CHRM3: variants seen among roughly 807,000 people sequenced by gnomAD.
CHRM3 encodes cholinergic receptor muscarinic 3, also known as muscarinic acetylcholine receptor M3.
In CHRM3, 11 loss-of-function variants were observed where a neutral mutation model predicts 41.8. The ratio of observed to expected loss-of-function variants is 0.26; its 90% CI spans 0.17 to 0.44. The LOEUF (loss-of-function observed/expected upper bound fraction) is 0.44. CHRM3 is among the 20% of genes least tolerant of loss of function. CHRM3 has a pLI of 1.00. For synonymous variants in CHRM3, 297 were observed against 301.4 expected, an observed-to-expected ratio of 0.99 and a Z score of 0.15; for missense variants, 571 against 745.4, an observed-to-expected ratio of 0.77 and a Z score of 2.72.
chr1:239,614,641 G>T (rs147858742), intron 3 of CHRM3, among the ~76,000 whole-genome samples: 210 of 152,210 alleles, frequency 1.4e-3, no homozygotes, highest in African/African-American at 4.9e-3. Context: ...GGTTTATGCT[G>T]GGCCCAGGAA....
chr1:239,695,427 T>G (rs1660095615), intron 5 of CHRM3, among the ~76,000 whole-genome samples: 1 of 152,330 alleles, frequency 6.6e-6, no homozygotes, highest in Non-Finnish European at 1.5e-5. Flanking sequence ...TTAGGAAAAT[T>G]TAGCTTACTG....
intron 5 of CHRM3, among the ~76,000 whole-genome samples, chr1:239,808,279 G>A (rs1197167329): frequency 6.6e-6 from 1 of 152,122 alleles, no homozygotes; most frequent in Non-Finnish European, 1.5e-5. Flanking sequence ...ATCCTCGTAT[G>A]TGACCTTCAG....
chr1:239,560,357 T>A (rs1660740333), intron 3 of CHRM3, among the ~76,000 whole-genome samples: 1 of 152,116 alleles, frequency 6.6e-6, no homozygotes, highest in South Asian at 2.1e-4. Context: ...TGTTGTAATC[T>A]TAAAAATACA....
rs754178661 is a variant in CHRM3 at position 239,912,514 on chromosome 1, G to A, written c.*3290G>A. On this transcript the variant is annotated 3_prime_UTR_variant, in exon 7 of 7. Coordinates refer to ENST00000676153, the MANE Select transcript of CHRM3 (RefSeq NM_001375978.1). ...GAAGGCATATCAGTTTTCTCTGTCA[G>A]GCTTCCTACGTTGCCCTCGTGCAGG... The A allele has an allele frequency of 6.0e-5, 10 of 167,130 alleles. No individual in the cohort carries two copies. Among genetic ancestry groups the A allele is most frequent in the Non-Finnish European group, 1.0e-4 (7 of 68,156 alleles). The allele number at this position is 167,130 out of a possible 1,614,324, so 10.4% of individuals were successfully genotyped here. A position where few individuals can be genotyped will look rare whatever the true frequency, so the allele number is the denominator to read the frequency against.
At chr1:239,525,490 A>G (rs928877344) in intron 2 of CHRM3, among the ~76,000 whole-genome samples, 6 of 152,260 alleles carry the variant, frequency 3.9e-5, no homozygotes, top group South Asian at 2.1e-4. Context: ...TAAATCATAC[A>G]TAGTATGAAC....
intron 5 of CHRM3, among the ~76,000 whole-genome samples, chr1:239,804,800 A>T (rs1446107565): frequency 6.6e-6 from 1 of 151,976 alleles, no homozygotes; most frequent in Non-Finnish European, 1.5e-5. Flanking sequence ...TCTCGCATTG[A>T]CTGTTTTCTG....
chr1:239,438,582 T>C (rs1281129914), intron 1 of CHRM3, among the ~76,000 whole-genome samples: 3 of 152,300 alleles, frequency 2.0e-5, no homozygotes, highest in Admixed American at 6.5e-5. Context: ...ATATGGAGCA[T>C]AGTGAATACC....
At chr1:239,429,840 T>A (rs1439114617) in intron 1 of CHRM3, among the ~76,000 whole-genome samples, 1 of 151,936 alleles carries the variant, frequency 6.6e-6, no homozygotes, top group Non-Finnish European at 1.5e-5. Flanking sequence ...TTAAGTTTTC[T>A]TAAACTTCCT....
intron 2 of CHRM3, among the ~76,000 whole-genome samples, chr1:239,541,686 A>C (rs1177260096): frequency 1.3e-5 from 2 of 151,634 alleles, no homozygotes; most frequent in Non-Finnish European, 2.9e-5. Context: ...TAATTTTTCT[A>C]TGTTTTTGTA....
At chr1:239,579,107 C>T (rs1259536617) in intron 3 of CHRM3, among the ~76,000 whole-genome samples, 1 of 152,102 alleles carries the variant, frequency 6.6e-6, no homozygotes, top group Non-Finnish European at 1.5e-5. Context: ...ACTAAATATT[C>T]GTTGAGTGAA....
intron 1 of CHRM3, among the ~76,000 whole-genome samples, chr1:239,415,128 A>T (rs1572217457): frequency 6.6e-6 from 1 of 152,236 alleles, no homozygotes; most frequent in African/African-American, 2.4e-5. Flanking sequence ...AAGCAAAAAA[A>T]GTCTAAGTTT....
intron 2 of CHRM3, among the ~76,000 whole-genome samples, chr1:239,539,256 C>G (rs760086157): frequency 1.7e-3 from 265 of 152,196 alleles, no homozygotes; most frequent in Non-Finnish European, 2.5e-3. Flanking sequence ...ATTTTTTTGG[C>G]CTTTGTTCTC....
intron 3 of CHRM3, among the ~76,000 whole-genome samples, chr1:239,563,938 G>A (rs921973410): frequency 6.6e-6 from 1 of 152,130 alleles, no homozygotes; most frequent in Admixed American, 6.6e-5. Flanking sequence ...ATAAGGACAG[G>A]AAATGGTTCA....
rs139256387 is a variant in CHRM3 at position 239,556,636 on chromosome 1, T to C, written c.-313+10887T>C. Among the ~76,000 whole-genome samples the C allele has an allele frequency of 2.5e-3, 379 of 152,272 alleles. 1 individual carries two copies. Among genetic ancestry groups the C allele is most frequent in the African/African-American group, 8.6e-3 (358 of 41,552 alleles). ...AGTTCAATTCCGATACTTCTAATACTAAGCCTGTTAAAGTACATTAGACAG... is the reference window on the plus strand; with the variant it reads ...AGTTCAATTCCGATACTTCTAATACCAAGCCTGTTAAAGTACATTAGACAG... On this transcript the variant is annotated intron_variant, in intron 3 of 6. Transcript: ENST00000676153.
chr1:239,612,780 AACAGC>A (rs1667212971), intron 3 of CHRM3, among the ~76,000 whole-genome samples: 1 of 152,152 alleles, frequency 6.6e-6, no homozygotes, highest in Non-Finnish European at 1.5e-5. Context: ...GGACTCACCA[AACAGC>A]TGCGTAGAAC....
rs531468014 is a variant in CHRM3 at position 239,868,226 on chromosome 1, C to T, written c.-19-39207C>T. 6.6e-5 allele frequency among the ~76,000 whole-genome samples: 10 copies of T among 152,316 alleles called. No individual in the cohort carries two copies. The East Asian group carries it at 1.5e-3, about 24-fold the overall frequency. Reference sequence around the variant, plus strand: ...AGAGAACAGAAGGGAACTCCTGCGGCGTGATGCCGTGAGTGGCCTCTCGTG... The same window carrying T: ...AGAGAACAGAAGGGAACTCCTGCGGTGTGATGCCGTGAGTGGCCTCTCGTG... On this transcript the variant is annotated intron_variant, in intron 6 of 6. Coordinates refer to ENST00000676153, the MANE Select transcript of CHRM3 (RefSeq NM_001375978.1).
In CHRM3 at chr1:239,695,159, T is replaced by C. The variant is rs181994171; in HGVS notation, c.-147+16871T>C. On this transcript the variant is annotated intron_variant, in intron 5 of 6. Coordinates refer to ENST00000676153, the MANE Select transcript of CHRM3 (RefSeq NM_001375978.1). ...CTGAGTAGCTGGGACTACAGGCGCA[T>C]GCCACCACACCCAGCTAAGTTTTTG... Among the ~76,000 whole-genome samples the C allele has an allele frequency of 4.0e-3, 602 of 152,164 alleles. 3 individuals are homozygous for C. The highest frequency in any genetic ancestry group is 0.014 in the African/African-American group (577 of 41,518).
chr1:239,565,300 G>T (rs1270177628), intron 3 of CHRM3, among the ~76,000 whole-genome samples: 1 of 152,158 alleles, frequency 6.6e-6, no homozygotes, highest in African/African-American at 2.4e-5. Flanking sequence ...CCTACTACTT[G>T]CTGCAACATA....
intron 6 of CHRM3, among the ~76,000 whole-genome samples, chr1:239,871,619 A>T (rs1023460369): frequency 6.6e-6 from 1 of 152,164 alleles, no homozygotes; most frequent in Non-Finnish European, 1.5e-5. Context: ...ACACATGATG[A>T]GTGACCTGTT....
Sources: gnomAD v4.1 joint callset for allele counts (sites outside exome capture counted in the v4.1 genomes callset) on GRCh38, gnomAD v4.1.1 for gene constraint, MANE v1.5 for transcripts, NCBI Gene and HGNC (gene_info 2026-07-23, HGNC 2026-07-21) for gene names.